KCTD19: variants seen among roughly 807,000 people sequenced by gnomAD.
KCTD19 encodes potassium channel tetramerization domain containing 19.
KCTD19 carries 67 observed loss-of-function variants against 103.5 expected under a neutral mutation model. The observed-to-expected ratio is 0.65, with a 90% CI of 0.53 to 0.79. The LOEUF is 0.79. Ranked by LOEUF, KCTD19 falls within the 30% of genes least tolerant of loss-of-function variation. The pLI is 0.00. For synonymous variants in KCTD19, 439 were observed against 452.2 expected, an observed-to-expected ratio of 0.97 and a Z score of 0.37; for missense variants, 980 against 1,136.1, an observed-to-expected ratio of 0.86 and a Z score of 1.98.
At chr16:67,325,375 G>GTTTTA in intron 1 of KCTD19, among the ~76,000 whole-genome samples, 1 of 121,078 alleles carries the variant, frequency 8.3e-6, no homozygotes, top group African/African-American at 5.4e-5. Context: ...ACCACGCCCG[G>GTTTTA]CTTTATTTTA....
At chr16:67,317,387 G>T (rs923147582) in intron 2 of KCTD19, among the ~76,000 whole-genome samples, 1 of 151,860 alleles carries the variant, frequency 6.6e-6, no homozygotes, top group African/African-American at 2.4e-5. Context: ...GCTGAGGCAT[G>T]AGAAGCTCTT....
At chr16:67,295,427 A>C (rs2036754251) in intron 8 of KCTD19, 22 bp from the exon 9 acceptor site, 1 of 1,601,444 alleles carries the variant, frequency 6.2e-7, no homozygotes, top group Admixed American at 1.7e-5. Context: ...TGGACACCGG[A>C]CTCAGTCTCA....
In KCTD19 at chr16:67,291,327, G is replaced by A; in HGVS notation, c.2547C>T (p.Ser849=). Residue 849 remains serine, a synonymous_variant, in exon 14 of 16, where the codon TCC becomes TCT. Transcript: ENST00000304372. ...CACATACCCACAGCCGATTGGCCAG[G>A]GAGACCACCTTGGCTGTGATGGCTT... ...DPKAITAKVV[S]LANRLWTLHI... The A allele has an allele frequency of 6.2e-7, 1 of 1,613,776 alleles. No homozygotes were observed. The highest frequency in any genetic ancestry group is 8.5e-7 in the Non-Finnish European group (1 of 1,179,982).
chr16:67,314,830 T>TATATAG (rs1430877802), intron 2 of KCTD19, among the ~76,000 whole-genome samples: 22 of 33,650 alleles, frequency 6.5e-4, no homozygotes, highest in African/African-American at 2.8e-3. Flanking sequence ...TATATATATA[T>TATATAG]AGAGAGAGAG....
chr16:67,291,115 C>T, intron 14 of KCTD19, 129 bp from the exon 15 acceptor site: 1 of 1,197,338 alleles, frequency 8.4e-7, no homozygotes, highest in Non-Finnish European at 1.2e-6. Flanking sequence ...CACTGCAAAT[C>T]TGCCTCTTGG....
rs2142501349 is a variant in KCTD19, at chr16:67,293,104, C to T, written c.2218+440G>A. Among the ~76,000 whole-genome samples the T allele has an allele frequency of 1.3e-5, 2 of 152,330 alleles. No individual in the cohort carries two copies. Among genetic ancestry groups the T allele is most frequent in the South Asian group, 4.1e-4 (2 of 4,824 alleles). On this transcript the variant is annotated intron_variant, in intron 12 of 15. Transcript: ENST00000304372. The surrounding 1 kb of genome is among the most constrained non-coding windows in gnomAD (Gnocchi z 4.0). Reference sequence around the variant, plus strand: ...AAATCCTTCAGACGCTGCTCACTCCCATCCTGGTCAGAATGGAGTACCACG... The same window carrying T: ...AAATCCTTCAGACGCTGCTCACTCCTATCCTGGTCAGAATGGAGTACCACG...
At chr16:67,305,336 AT>A (rs2036880771) in intron 2 of KCTD19, 4 of 213,378 alleles carry the variant, frequency 1.9e-5, no homozygotes, top group Non-Finnish European at 3.8e-5. Flanking sequence ...AGGACTCCAC[AT>A]TTTTCAACAC....
In KCTD19 at chr16:67,296,162, C is replaced by G. The variant is rs1377399906; in HGVS notation, c.1245G>C (p.Leu415=). 1 of 1,599,918 alleles carries G rather than the reference C, an allele frequency of 6.3e-7. No homozygotes were observed. The highest frequency in any genetic ancestry group is 1.3e-5 in the African/African-American group (1 of 74,772). Residue 415 remains leucine (L), a synonymous_variant, in exon 8 of 16, where the codon CTG becomes CTC. Coordinates refer to ENST00000304372, the MANE Select transcript of KCTD19 (RefSeq NM_001100915.3). ...GGGCAGCCGAGGCCGTCAGTACCTT[C>G]AGCAGTGTCTGCAGGGTGGTTGCGT... ...HWYATTLQTL[L]KYPELLSNPQ... is the part of the protein sequence containing the mutation.
chr16:67,290,167 CTTTTTTT>C (rs11296444), intron 15 of KCTD19, among the ~76,000 whole-genome samples: 6 of 69,310 alleles, frequency 8.7e-5, no homozygotes, highest in South Asian at 7.1e-4. Flanking sequence ...TGAATATTTT[CTTTTTTT>C]TTTTTTTTTT....
chr16:67,313,893 G>T (rs1408134624), intron 2 of KCTD19, among the ~76,000 whole-genome samples: 1 of 150,168 alleles, frequency 6.7e-6, no homozygotes, highest in African/African-American at 2.5e-5. Context: ...ATCTTGCTGT[G>T]TCACCCAGGC....
At position 67,296,299 on chromosome 16, in the gene KCTD19, C is replaced by T. The variant is rs745824784; in HGVS notation, c.1148-40G>A. The T allele has an allele frequency of 3.1e-6, 4 of 1,308,042 alleles. No individual in the cohort carries two copies. In the Admixed American group the frequency reaches 5.0e-5, roughly 16 times the overall value. 81.0% of individuals were successfully genotyped at this position (1,308,042 alleles called of 1,614,324 possible). ...GAGATAGAACACATCATCATATGGC[C>T]AGAAGGGAAAGCAGGTAGGGCCCTT... On this transcript the variant is annotated intron_variant, in intron 7 of 15. Coordinates refer to ENST00000304372, the MANE Select transcript of KCTD19 (RefSeq NM_001100915.3).
In KCTD19 at chr16:67,295,367, C is replaced by T. The variant is rs753176644; in HGVS notation, c.1287G>A (p.Trp429Ter). 3 of 1,613,992 alleles carry T rather than the reference C, an allele frequency of 1.9e-6. No homozygotes were observed. The highest frequency in any genetic ancestry group is 2.5e-6 in the Non-Finnish European group (3 of 1,179,896). ...ELLSNPQRVY[W>*]ITYGQTLLIH... The stretch of plus-strand genomic sequence containing the variant: ...TGAGCAGGGTTTGTCCATATGTGAT[C>T]CAGTACACTCTCTGAGGGTTGGACA... Residue 429 changes from tryptophan to a stop codon, truncating the protein, a stop_gained, in exon 9 of 16, where the codon TGG (tryptophan) becomes TGA (stop). Transcript: ENST00000304372. LOFTEE classifies it high-confidence loss of function.
At chr16:67,291,860 G>T in intron 12 of KCTD19, 23 bp from the exon 13 acceptor site, 6 of 1,527,440 alleles carry the variant, frequency 3.9e-6, no homozygotes, top group Non-Finnish European at 4.4e-6. Context: ...CATAGGGAGG[G>T]GGCTCTCCTT....
Position 67,320,992 on chromosome 16 carries a change from G to T in KCTD19, c.4-107C>A. ...CTCTGTTTGCTGATGACATGATCTTGTATATAAAAAATCCTAAGGAATTCA... is the reference window on the plus strand; with the variant it reads ...CTCTGTTTGCTGATGACATGATCTTTTATATAAAAAATCCTAAGGAATTCA... On this transcript the variant is annotated intron_variant, in intron 1 of 15. Transcript: ENST00000304372. The surrounding 1 kb of genome is among the most constrained non-coding windows in gnomAD (Gnocchi z 4.0). The T allele has an allele frequency of 4.0e-6, 4 of 1,009,342 alleles. No individual in the cohort carries two copies. The highest frequency in any genetic ancestry group is 4.3e-6 in the Non-Finnish European group (3 of 704,622). The allele number at this position is 1,009,342 out of a possible 1,614,324, so 62.5% of individuals were successfully genotyped here.
At chr16:67,292,780 C>T (rs1314867051) in intron 12 of KCTD19, among the ~76,000 whole-genome samples, 2 of 152,182 alleles carry the variant, frequency 1.3e-5, no homozygotes, top group African/African-American at 4.8e-5. Context: ...CTGCTGTCTC[C>T]TGGGCTTCTC....
chr16:67,321,348 AG>A (rs1196605203), intron 1 of KCTD19, among the ~76,000 whole-genome samples: 1 of 152,262 alleles, frequency 6.6e-6, no homozygotes, highest in Non-Finnish European at 1.5e-5. Flanking sequence ...TAACATACTT[AG>A]GAATAAATTT....
intron 1 of KCTD19, among the ~76,000 whole-genome samples, chr16:67,325,069 G>A (rs2037119820): frequency 6.6e-6 from 1 of 152,202 alleles, no homozygotes; most frequent in South Asian, 2.1e-4. Flanking sequence ...CTCCTTAAAG[G>A]TGGCTGAGAG....
At chr16:67,296,748 A>G (rs2036769542) in intron 7 of KCTD19, among the ~76,000 whole-genome samples, 1 of 152,170 alleles carries the variant, frequency 6.6e-6, no homozygotes, top group South Asian at 2.1e-4. Flanking sequence ...ATGAACCCAT[A>G]ACCCTTTTCC....
Position 67,289,474 on chromosome 16 carries a change from A to T in KCTD19, c.*95T>A. 1 of 718,876 alleles carries T rather than the reference A, an allele frequency of 1.4e-6. No homozygotes were observed. The highest frequency in any genetic ancestry group is 1.6e-5 in the South Asian group (1 of 61,550). The allele number at this position is 718,876 out of a possible 1,614,324, so 44.5% of individuals were successfully genotyped here. ...TTTGTTTATAATAAAAAATAGACTGATATGTACCCTCTGATGGGCACATGC... is the reference window on the plus strand; with the variant it reads ...TTTGTTTATAATAAAAAATAGACTGTTATGTACCCTCTGATGGGCACATGC... On this transcript the variant is annotated 3_prime_UTR_variant, in exon 16 of 16. Transcript: ENST00000304372.
Sources: gnomAD v4.1 joint callset for allele counts (sites outside exome capture counted in the v4.1 genomes callset) on GRCh38, gnomAD v4.1.1 for gene constraint, Gnocchi (gnomAD v3.1) non-coding constraint, MANE v1.5 for transcripts, NCBI Gene and HGNC (gene_info 2026-07-23, HGNC 2026-07-21) for gene names.